The following BATF variants were observed in gnomAD, a reference collection of about 807,000 sequenced individuals.
BATF encodes basic leucine zipper ATF-like transcription factor.
Under a neutral mutation model 13.7 loss-of-function variants are expected in BATF, and 5 were observed. The observed-to-expected ratio is 0.36, with a 90% CI of 0.19 to 0.77. BATF has a LOEUF of 0.77. BATF is among the 30% of genes least tolerant of loss of function. The probability of loss-of-function intolerance (pLI) is 0.51; values close to 1 mark genes in which losing one functional copy is unlikely to be tolerated. For missense variants in BATF, 124 were observed against 163.0 expected (o/e 0.76, Z 1.30); for synonymous variants, 72 against 67.5 (o/e 1.07, Z -0.33).
At chr14:75,529,856 A>G (rs2140036130) in intron 2 of BATF, among the ~76,000 whole-genome samples, 1 of 152,270 alleles carries the variant, frequency 6.6e-6, no homozygotes, top group South Asian at 2.1e-4. Context: ...CGAGGTCAGC[A>G]GATCGAGACC....
intron 2 of BATF, among the ~76,000 whole-genome samples, chr14:75,529,788 G>C (rs1339265559): frequency 1.3e-5 from 2 of 152,154 alleles, no homozygotes; most frequent in Non-Finnish European, 2.9e-5. Flanking sequence ...ACAATGGGCC[G>C]GGCGCGGCGG....
Position 75,525,104 on chromosome 14 carries a change from A to G in BATF, c.84A>G (p.Arg28=), listed in dbSNP as rs200342853. The change falls in exon 2 of 3, where the codon AGA becomes AGG. Residue 28 remains arginine, a synonymous_variant. Coordinates refer to ENST00000286639, the MANE Select transcript of BATF (RefSeq NM_006399.5). ...CCCAGGACTCATCTGATGATGTGAGAAGAGTTCAGAGGAGGGAGAAAAATC... is the reference window on the plus strand; with the variant it reads ...CCCAGGACTCATCTGATGATGTGAGGAGAGTTCAGAGGAGGGAGAAAAATC... ...PGKQDSSDDV[R]RVQRREKNRI... is the part of the protein sequence containing the mutation. The G allele has an allele frequency of 1.2e-6, 2 of 1,613,700 alleles. No individual in the cohort carries two copies. The highest frequency in any genetic ancestry group is 2.7e-5 in the African/African-American group (2 of 75,020).
At chr14:75,528,537 T>C (rs1293307640) in intron 2 of BATF, among the ~76,000 whole-genome samples, 3 of 152,248 alleles carry the variant, frequency 2.0e-5, no homozygotes, top group Admixed American at 2.0e-4. Context: ...AATGGATCGG[T>C]GATTCCTTTC....
intron 2 of BATF, among the ~76,000 whole-genome samples, chr14:75,544,792 A>T (rs1351632368): frequency 7.4e-4 from 99 of 134,246 alleles, no homozygotes; most frequent in African/African-American, 2.2e-3. Context: ...TTGAACTGAA[A>T]TTTTTTTTTT....
At chr14:75,539,772 C>T (rs1290977209) in intron 2 of BATF, among the ~76,000 whole-genome samples, 2 of 152,136 alleles carry the variant, frequency 1.3e-5, no homozygotes, top group Non-Finnish European at 2.9e-5. Context: ...GATTCTTCTT[C>T]TCCTTTCATA....
chr14:75,544,389 AC>A (rs1490781110), intron 2 of BATF, among the ~76,000 whole-genome samples: 1 of 151,590 alleles, frequency 6.6e-6, no homozygotes, highest in African/African-American at 2.4e-5. Flanking sequence ...ACATGGTGAA[AC>A]CCCGTCTCTA....
At chr14:75,530,461 GA>G (rs2140036495) in intron 2 of BATF, among the ~76,000 whole-genome samples, 1 of 152,150 alleles carries the variant, frequency 6.6e-6, no homozygotes, top group Admixed American at 6.5e-5. Flanking sequence ...TTTCTTATAG[GA>G]AAGACTGAAC....
At chr14:75,538,218 T>C (rs148708903) in intron 2 of BATF, among the ~76,000 whole-genome samples, 6 of 152,314 alleles carry the variant, frequency 3.9e-5, no homozygotes, top group Middle Eastern at 6.8e-3. Context: ...CAAAGAAGCC[T>C]CCCAAAGTGC....
intron 2 of BATF, among the ~76,000 whole-genome samples, chr14:75,527,546 T>C (rs1887671733): frequency 6.6e-6 from 1 of 152,228 alleles, no homozygotes; most frequent in East Asian, 1.9e-4. Context: ...GGGGAACGTA[T>C]TAATGAGGGT....
chr14:75,544,599 A>C (rs1024596514), intron 2 of BATF, among the ~76,000 whole-genome samples: 1 of 151,390 alleles, frequency 6.6e-6, no homozygotes, highest in Non-Finnish European at 1.5e-5. Context: ...TCAGATCTGC[A>C]GACTTCACTC....
At chr14:75,525,830 G>A (rs1027167464) in intron 2 of BATF, among the ~76,000 whole-genome samples, 2 of 152,006 alleles carry the variant, frequency 1.3e-5, no homozygotes, top group Non-Finnish European at 2.9e-5. Flanking sequence ...CCATTGTCTC[G>A]CAGTGCAAGG....
At chr14:75,543,519 A>C (rs2140042974) in intron 2 of BATF, among the ~76,000 whole-genome samples, 1 of 152,282 alleles carries the variant, frequency 6.6e-6, no homozygotes, top group Non-Finnish European at 1.5e-5. Context: ...TAACCTCATT[A>C]GCCTACAGCT....
In BATF at chr14:75,527,134, T is replaced by A. The variant is rs1241742265; in HGVS notation, c.168+1946T>A. On this transcript the variant is annotated intron_variant, in intron 2 of 2. Transcript: ENST00000286639. ...ATGGAAAATGACAATAACTACCCTA[T>A]ACAGATCGTACATTTAAAGAGCCCA... Among the ~76,000 whole-genome samples, 7 of 152,280 alleles carry A rather than the reference T, an allele frequency of 4.6e-5. No individual in the cohort carries two copies. In the South Asian group the frequency reaches 8.3e-4, roughly 18 times the overall value.
rs1234086544 is a variant in BATF, at chr14:75,546,871, C to A, written c.*200C>A. ...AGCGTTTCGAGGGGCGTGTGCTGGA[C>A]CCCACCACTGTGGGTTGCAGGCCCA... is the stretch of plus-strand genomic sequence containing the variant. On this transcript the variant is annotated 3_prime_UTR_variant, in exon 3 of 3. Transcript: ENST00000286639. The A allele has an allele frequency of 2.6e-6, 2 of 769,828 alleles. No individual in the cohort carries two copies. Among genetic ancestry groups the A allele is most frequent in the Admixed American group, 2.0e-5 (1 of 50,068 alleles). The allele number at this position is 769,828 out of a possible 1,614,324, so 47.7% of individuals were successfully genotyped here. A position where few individuals can be genotyped will look rare whatever the true frequency, so the allele number is the denominator to read the frequency against.
At position 75,546,660 on chromosome 14, in the gene BATF, T is replaced by C; in HGVS notation, c.367T>C (p.Phe123Leu). ...CCAACCTCATGTCAGCTCCCCGCGC[T>C]TCCAGCCCTGAGCTTCCGATGCGGG... ...FHQPHVSSPR[F>L]QP Residue 123 changes from phenylalanine to leucine, a missense_variant, in exon 3 of 3, where the codon TTC (phenylalanine) becomes CTC (leucine). By Grantham distance (22) the Phe-to-Leu change is conservative. Around this residue, in one of 2 missense-constraint regions of BATF, gnomAD observed 59 missense variants for 49.7 expected, o/e 1.19. Coordinates refer to ENST00000286639, the MANE Select transcript of BATF (RefSeq NM_006399.5). The C allele has an allele frequency of 6.2e-7, 1 of 1,600,782 alleles. No homozygotes were observed. The highest frequency in any genetic ancestry group is 8.5e-7 in the Non-Finnish European group (1 of 1,173,594).
intron 2 of BATF, among the ~76,000 whole-genome samples, chr14:75,543,255 C>T (rs141464205): frequency 1.3e-5 from 2 of 152,360 alleles, no homozygotes; most frequent in Non-Finnish European, 2.9e-5. Flanking sequence ...AGGGCTGTGA[C>T]TCCATCATCG....
At chr14:75,542,542 GC>G (rs1271963092) in intron 2 of BATF, among the ~76,000 whole-genome samples, 1 of 152,250 alleles carries the variant, frequency 6.6e-6, no homozygotes, top group Non-Finnish European at 1.5e-5. Context: ...AGCTGGGCGA[GC>G]CCTTTCCAGG....
rs189410427 is a variant in BATF, at chr14:75,534,907, A to T, written c.168+9719A>T. On this transcript the variant is annotated intron_variant, in intron 2 of 2. Transcript: ENST00000286639. ...AAACCCAGTGTGCATCACGATGTTC[A>T]TCTCAGCATTATTTTTAATAGTGAC... 4.6e-5 allele frequency among the ~76,000 whole-genome samples: 7 copies of T among 152,348 alleles called. No homozygotes were observed. In the East Asian group the frequency reaches 7.7e-4, roughly 17 times the overall value.
intron 2 of BATF, 123 bp downstream of exon 2, chr14:75,525,311 G>A: frequency 2.0e-6 from 2 of 990,314 alleles, no homozygotes; most frequent in South Asian, 1.5e-5. Context: ...GTGGGTTAGT[G>A]GAGGGTGAGG....
Sources: allele counts gnomAD v4.1 joint callset (sites outside exome capture counted in the v4.1 genomes callset), GRCh38; gene constraint gnomAD v4.1.1; regional missense constraint gnomAD v4.1.1; transcripts MANE v1.5; gene names NCBI Gene and HGNC (gene_info 2026-07-23, HGNC 2026-07-21).